KIF5C: variants seen among roughly 807,000 people sequenced by gnomAD.
KIF5C encodes the protein kinesin heavy chain isoform 5C.
In KIF5C, 18 loss-of-function variants were observed where a neutral mutation model predicts 125.2. The observed-to-expected ratio is 0.14, with a 90% CI of 0.10 to 0.21. The LOEUF is 0.21. Ranked by LOEUF, KIF5C falls within the 10% of genes least tolerant of loss-of-function variation. The pLI, the probability that KIF5C is intolerant of heterozygous loss-of-function variation, is 1.00. For synonymous variants in KIF5C, 405 were observed against 434.0 expected, an observed-to-expected ratio of 0.93 and a Z score of 0.83; for missense variants, 780 against 1,183.8, an observed-to-expected ratio of 0.66 and a Z score of 5.01.
At chr2:148,948,015 G>A in intron 8 of KIF5C, 1 of 456,628 alleles carries the variant, frequency 2.2e-6, no homozygotes, top group Non-Finnish European at 4.4e-6. Context: ...AACCTGAGCA[G>A]AAAGTCATCC....
At chr2:149,011,710 T>A in intron 25 of KIF5C, 27 bp downstream of exon 25, 1 of 1,613,658 alleles carries the variant, frequency 6.2e-7, no homozygotes, top group Non-Finnish European at 8.5e-7. Flanking sequence ...GGGTGGTTTC[T>A]CTATCTGGAG....
At chr2:148,995,423 G>C (rs1681639218) in intron 17 of KIF5C, among the ~76,000 whole-genome samples, 1 of 152,256 alleles carries the variant, frequency 6.6e-6, no homozygotes, top group Non-Finnish European at 1.5e-5. Flanking sequence ...GCTTAGGGAA[G>C]TGCCTCGCAC....
intron 1 of KIF5C, among the ~76,000 whole-genome samples, chr2:148,888,098 G>A (rs1285826148): frequency 2.6e-5 from 4 of 152,190 alleles, no homozygotes; most frequent in African/African-American, 4.8e-5. Flanking sequence ...GAGGCGACAC[G>A]GGCGCCTGGT....
At chr2:148,952,430 T>G (rs1374555645) in intron 10 of KIF5C, among the ~76,000 whole-genome samples, 2 of 152,204 alleles carry the variant, frequency 1.3e-5, no homozygotes, top group African/African-American at 4.8e-5. Context: ...TATCAGTTAG[T>G]GTCTAATATA....
intron 1 of KIF5C, among the ~76,000 whole-genome samples, chr2:148,906,221 C>A (rs922267395): frequency 6.6e-6 from 1 of 152,102 alleles, no homozygotes; most frequent in African/African-American, 2.4e-5. Context: ...TTAGCCAATT[C>A]GTGATGTCTA....
intron 1 of KIF5C, 141 bp downstream of exon 1, chr2:148,875,884 A>ACC (rs1308350476): frequency 4.8e-6 from 5 of 1,051,942 alleles, no homozygotes; most frequent in Non-Finnish European, 6.1e-6. Context: ...CTGACCAGAG[A>ACC]CCCCTCGCCC....
chr2:148,907,743 A>G (rs1681170465), intron 1 of KIF5C, among the ~76,000 whole-genome samples: 1 of 152,162 alleles, frequency 6.6e-6, no homozygotes, highest in Non-Finnish European at 1.5e-5. Flanking sequence ...TTTGTGGCCG[A>G]GGTGGCCCTG....
intron 25 of KIF5C, among the ~76,000 whole-genome samples, chr2:149,016,722 G>A (rs763461023): frequency 6.6e-6 from 1 of 152,150 alleles, no homozygotes; most frequent in Admixed American, 6.5e-5. Context: ...GGCTGGATCC[G>A]TGGGTCTGGA....
At chr2:149,021,337 G>T (rs576346800) in intron 25 of KIF5C, among the ~76,000 whole-genome samples, 1 of 152,144 alleles carries the variant, frequency 6.6e-6, no homozygotes, top group South Asian at 2.1e-4. Context: ...CAAAGTGCTG[G>T]GATTATAGGC....
intron 11 of KIF5C, among the ~76,000 whole-genome samples, 174 bp downstream of exon 11, chr2:148,962,293 G>A (rs1320637212): frequency 6.6e-6 from 1 of 151,786 alleles, no homozygotes; most frequent in Non-Finnish European, 1.5e-5. Flanking sequence ...AGCCTCCCGA[G>A]TAGCTGGGAT....
rs187675231 is a variant in KIF5C, at chr2:149,023,697, G to C, written c.*627G>C. 6.6e-6 allele frequency: 1 copy of C among 152,642 alleles called. No homozygotes were observed. The highest frequency in any genetic ancestry group is 2.4e-5 in the African/African-American group (1 of 41,556). 9.5% of individuals were successfully genotyped at this position (152,642 alleles called of 1,614,324 possible). A position where few individuals can be genotyped will look rare whatever the true frequency, so the allele number is the denominator to read the frequency against. On this transcript the variant is annotated 3_prime_UTR_variant, in exon 26 of 26. Transcript: ENST00000435030. ...TTTCTTTGGGGCAGAAAAACAATCT[G>C]ACAGTAGCAGTGTAGAATTTGTTCA...
intron 11 of KIF5C, among the ~76,000 whole-genome samples, chr2:148,970,417 A>T (rs1172108392): frequency 6.6e-6 from 1 of 152,202 alleles, no homozygotes; most frequent in Non-Finnish European, 1.5e-5. Context: ...ATCTTCATTT[A>T]TCTTTAGAAC....
chr2:148,924,275 T>C lies in KIF5C; in HGVS notation c.217+2048T>C, dbSNP rs1325552112. On this transcript the variant is annotated intron_variant, in intron 2 of 25. Transcript: ENST00000435030. The surrounding 1 kb of genome is among the most constrained non-coding windows in gnomAD (Gnocchi z 4.0). ...TTAAATCAAGATTGGGAGGCGGTGC[T>C]GTGGAGCCCTTTTTTTCTAGAGGCT... Among the ~76,000 whole-genome samples the C allele has an allele frequency of 6.6e-6, 1 of 152,168 alleles. No homozygotes were observed. The highest frequency in any genetic ancestry group is 1.9e-4 in the East Asian group (1 of 5,188).
intron 2 of KIF5C, among the ~76,000 whole-genome samples, chr2:148,928,671 G>T (rs2105090976): frequency 6.6e-6 from 1 of 152,268 alleles, no homozygotes; most frequent in South Asian, 2.1e-4. Context: ...AGCACTATCA[G>T]TGCAAACACA....
chr2:148,894,090 G>A (rs1681776308), intron 1 of KIF5C, among the ~76,000 whole-genome samples: 1 of 152,226 alleles, frequency 6.6e-6, no homozygotes, highest in South Asian at 2.1e-4. Context: ...GGATTATGGA[G>A]CATGAAACAC....
At chr2:148,974,974 G>C (rs1681023298) in intron 12 of KIF5C, among the ~76,000 whole-genome samples, 1 of 152,234 alleles carries the variant, frequency 6.6e-6, no homozygotes, top group African/African-American at 2.4e-5. Context: ...TAGTGATTAG[G>C]ACAGAGAGAT....
chr2:148,962,143 G>C, intron 11 of KIF5C, 24 bp downstream of exon 11: 1 of 1,582,068 alleles, frequency 6.3e-7, no homozygotes, highest in Non-Finnish European at 8.6e-7. Flanking sequence ...AGGAGGAAGA[G>C]TGAGGCATGA....
chr2:148,887,210 G>A (rs1681553744), intron 1 of KIF5C, among the ~76,000 whole-genome samples: 1 of 152,166 alleles, frequency 6.6e-6, no homozygotes, highest in Admixed American at 6.5e-5. Context: ...GTTAGGTTAA[G>A]TAAGTTATTA....
intron 3 of KIF5C, among the ~76,000 whole-genome samples, chr2:148,933,435 C>T (rs1682219204): frequency 6.6e-6 from 1 of 151,790 alleles, no homozygotes; most frequent in South Asian, 2.1e-4. Context: ...AGAAACAGCA[C>T]ACACCACATT....
Sources: gnomAD v4.1 joint callset for allele counts (sites outside exome capture counted in the v4.1 genomes callset) on GRCh38, gnomAD v4.1.1 for gene constraint, Gnocchi (gnomAD v3.1) non-coding constraint, MANE v1.5 for transcripts, NCBI Gene and HGNC (gene_info 2026-07-23, HGNC 2026-07-21) for gene names.